Variants in UBE2E1 observed in about 807,000 individuals in gnomAD.
UBE2E1 encodes the protein ubiquitin conjugating enzyme E2 E1.
UBE2E1 carries 6 observed loss-of-function variants against 21.4 expected under a neutral mutation model. The ratio of observed to expected loss-of-function variants is 0.28; its 90% CI spans 0.15 to 0.55. The LOEUF (loss-of-function observed/expected upper bound fraction) is 0.55. UBE2E1 is among the 20% of genes least tolerant of loss of function. The pLI is 0.93. For missense variants in UBE2E1, 142 were observed against 236.5 expected (o/e 0.60, Z 2.62); for synonymous variants, 87 against 82.7 (o/e 1.05, Z -0.28).
At chr3:23,873,317 C>T (rs530028734) in intron 3 of UBE2E1, among the ~76,000 whole-genome samples, 14 of 152,294 alleles carry the variant, frequency 9.2e-5, no homozygotes, top group African/African-American at 3.4e-4. Context: ...CTACCTTCAG[C>T]TGAAGGCATC....
intron 3 of UBE2E1, among the ~76,000 whole-genome samples, chr3:23,812,059 T>G (rs1383882024): frequency 6.6e-6 from 1 of 152,212 alleles, no homozygotes; most frequent in African/African-American, 2.4e-5. Context: ...GGGTGTTTTT[T>G]TCACTTGCTT....
intron 3 of UBE2E1, among the ~76,000 whole-genome samples, chr3:23,830,803 G>A (rs1375648730): frequency 1.3e-5 from 2 of 152,204 alleles, no homozygotes; most frequent in Admixed American, 1.3e-4. Context: ...GTATATCGTA[G>A]AATTTAGATC....
intron 3 of UBE2E1, among the ~76,000 whole-genome samples, chr3:23,868,728 T>C (rs575503615): frequency 1.6e-3 from 248 of 152,246 alleles, no homozygotes; most frequent in African/African-American, 5.9e-3. Flanking sequence ...TTGTTTTTTT[T>C]TTTTAATCTC....
intron 3 of UBE2E1, among the ~76,000 whole-genome samples, chr3:23,854,851 A>T (rs1160648101): frequency 1.3e-5 from 2 of 152,238 alleles, no homozygotes; most frequent in Non-Finnish European, 2.9e-5. Context: ...ATATCTTTAA[A>T]TGTCTGCTTT....
rs11318221 is a variant in UBE2E1, at chr3:23,863,054, TAAAA to T, written c.204-24499_204-24496del. ...AAGGCTTTAATATTTCTTTGTTTGT[TAAAA>T]AAAAAAAAAAAAACTATTCCCAGCA... On this transcript the variant is annotated intron_variant, in intron 3 of 5. Coordinates refer to ENST00000306627, the MANE Select transcript of UBE2E1 (RefSeq NM_003341.5). This position sits in a 1 kb window ranked among gnomAD's most constrained non-coding sequence, Gnocchi z 4.3. Among the ~76,000 whole-genome samples, 1,003 of 147,444 alleles carry T rather than the reference TAAAA, an allele frequency of 6.8e-3. 16 individuals carry two copies. Among genetic ancestry groups the T allele is most frequent in the East Asian group, 0.051 (257 of 4,992 alleles).
At chr3:23,884,891 C>T (rs996264479) in intron 3 of UBE2E1, among the ~76,000 whole-genome samples, 2 of 152,180 alleles carry the variant, frequency 1.3e-5, no homozygotes, top group Non-Finnish European at 2.9e-5. Flanking sequence ...AAGAGCATTC[C>T]CCTTTATCTG....
chr3:23,839,330 G>A (rs1204303661), intron 3 of UBE2E1, among the ~76,000 whole-genome samples: 3 of 151,970 alleles, frequency 2.0e-5, no homozygotes, highest in Non-Finnish European at 4.4e-5. Context: ...CGGGCATGGT[G>A]ACATGCGCAT....
rs1301139245 is a variant in UBE2E1 at position 23,810,626 on chromosome 3, G to T, written c.153-834G>T. The T allele has an allele frequency of 1.5e-5, 18 of 1,178,806 alleles. No individual in the cohort carries two copies. Among genetic ancestry groups the T allele is most frequent in the Non-Finnish European group, 1.8e-5 (16 of 869,588 alleles). The allele number at this position is 1,178,806 out of a possible 1,614,324, so 73.0% of individuals were successfully genotyped here. On this transcript the variant is annotated intron_variant, in intron 2 of 5. Transcript: ENST00000306627. This position sits in a 1 kb window ranked among gnomAD's most constrained non-coding sequence, Gnocchi z 5.8. ...GCGGGCCGGCCACTTGGGGTCTGTG[G>T]TGCCCGAGTGGCGGGCGGGGGTGTT...
chr3:23,831,631 A>C (rs1575815264), intron 3 of UBE2E1, among the ~76,000 whole-genome samples: 1 of 142,434 alleles, frequency 7.0e-6, no homozygotes, highest in African/African-American at 2.7e-5. Flanking sequence ...ATCCCCTCCC[A>C]CCTTAGCCTC....
chr3:23,874,902 C>G (rs1700883469), intron 3 of UBE2E1, among the ~76,000 whole-genome samples: 1 of 152,160 alleles, frequency 6.6e-6, no homozygotes, highest in Non-Finnish European at 1.5e-5. Context: ...TGCTTGCCAC[C>G]TACCCCCACG....
In UBE2E1 at chr3:23,872,851, T is replaced by C. The variant is rs2125321439; in HGVS notation, c.204-14716T>C. 1.3e-5 allele frequency among the ~76,000 whole-genome samples: 2 copies of C among 152,248 alleles called. 1 individual carries two copies. The highest frequency in any genetic ancestry group is 3.9e-4 in the East Asian group (2 of 5,170). ...GGCTAACATGGTGACACCCCGTCTC[T>C]ACTAAAAATACAAAAATTAGTCGGG... On this transcript the variant is annotated intron_variant, in intron 3 of 5. Coordinates refer to ENST00000306627, the MANE Select transcript of UBE2E1 (RefSeq NM_003341.5).
At chr3:23,843,492 G>A (rs1700135988) in intron 3 of UBE2E1, among the ~76,000 whole-genome samples, 1 of 152,042 alleles carries the variant, frequency 6.6e-6, no homozygotes, top group Non-Finnish European at 1.5e-5. Context: ...GAATATAGTG[G>A]CATTTGAACA....
At chr3:23,815,859 CT>C (rs1180302675) in intron 3 of UBE2E1, among the ~76,000 whole-genome samples, 1 of 152,180 alleles carries the variant, frequency 6.6e-6, no homozygotes, top group Non-Finnish European at 1.5e-5. Context: ...ACTTAAACAT[CT>C]GAATGATGTT....
chr3:23,870,928 C>T lies in UBE2E1; in HGVS notation c.204-16639C>T, dbSNP rs529539767. Among the ~76,000 whole-genome samples the T allele has an allele frequency of 7.9e-5, 12 of 152,158 alleles. No homozygotes were observed. Among genetic ancestry groups the T allele is most frequent in the Non-Finnish European group, 1.3e-4 (9 of 68,022 alleles). On this transcript the variant is annotated intron_variant, in intron 3 of 5. Coordinates refer to ENST00000306627, the MANE Select transcript of UBE2E1 (RefSeq NM_003341.5). The surrounding 1 kb of genome is among the most constrained non-coding windows in gnomAD (Gnocchi z 4.2). ...CATCTGTTTAACAAAGCACATCTTG[C>T]ACCGCCCTTAATCCATTTAACCCTG...
At chr3:23,862,577 T>C (rs1003203051) in intron 3 of UBE2E1, among the ~76,000 whole-genome samples, 2 of 152,204 alleles carry the variant, frequency 1.3e-5, no homozygotes, top group African/African-American at 4.8e-5. Flanking sequence ...TAAGCTAATA[T>C]GTTATGCTTG....
At chr3:23,807,046 G>C in intron 1 of UBE2E1, 191 bp from the exon 2 acceptor site, 1 of 459,424 alleles carries the variant, frequency 2.2e-6, no homozygotes, top group East Asian at 3.5e-5. Context: ...TTCCCCACTT[G>C]GGGCCAAAAA....
At chr3:23,845,739 T>A (rs1225568551) in intron 3 of UBE2E1, among the ~76,000 whole-genome samples, 1 of 152,106 alleles carries the variant, frequency 6.6e-6, no homozygotes, top group East Asian at 1.9e-4. Context: ...GGCCATTTGA[T>A]CTCTGTTAGA....
chr3:23,861,147 C>T (rs1046442354), intron 3 of UBE2E1, among the ~76,000 whole-genome samples: 6 of 152,160 alleles, frequency 3.9e-5, no homozygotes, highest in African/African-American at 7.2e-5. Context: ...TTGATGCCTT[C>T]GGAGGATCTG....
At position 23,889,278 on chromosome 3, in the gene UBE2E1, T is replaced by C. The variant is rs750273393; in HGVS notation, c.484+19T>C. On this transcript the variant is annotated intron_variant, in intron 5 of 5. Transcript: ENST00000306627. ...AATCCTGGTAAGGTTCATAATTCTT[T>C]ACCTTGTTTTATTCTTCCTTACCTG... 1 of 1,613,504 alleles carries C rather than the reference T, an allele frequency of 6.2e-7. No homozygotes were observed. Among genetic ancestry groups the C allele is most frequent in the East Asian group, 2.2e-5 (1 of 44,844 alleles).
Sources: gnomAD v4.1 joint callset for allele counts (sites outside exome capture counted in the v4.1 genomes callset) on GRCh38, gnomAD v4.1.1 for gene constraint, Gnocchi (gnomAD v3.1) non-coding constraint, MANE v1.5 for transcripts, NCBI Gene and HGNC (gene_info 2026-07-23, HGNC 2026-07-21) for gene names.